The following PTCSC3 variants were observed in gnomAD, a reference collection of about 807,000 sequenced individuals.
PTCSC3 encodes the protein papillary thyroid carcinoma susceptibility candidate 3.
At chr14:36,161,105 A>C (rs1881946801) in intron 2 of PTCSC3, among the ~76,000 whole-genome samples, 1 of 152,016 alleles carries the variant, frequency 6.6e-6, no homozygotes, top group Non-Finnish European at 1.5e-5. Context: ...TGGTTATTCT[A>C]GTTAGCAATT....
At chr14:36,147,595 C>A (rs965592014) in intron 3 of PTCSC3, among the ~76,000 whole-genome samples, 1 of 151,706 alleles carries the variant, frequency 6.6e-6, no homozygotes, top group Non-Finnish European at 1.5e-5. Context: ...AACTTCTTTG[C>A]CTTTGGTTTG....
intron 3 of PTCSC3, among the ~76,000 whole-genome samples, chr14:36,142,032 C>T (rs779711004): frequency 3.3e-5 from 5 of 152,106 alleles, no homozygotes; most frequent in African/African-American, 7.2e-5. Context: ...TCTGGTCTTA[C>T]TGCATTGGCT....
chr14:36,156,520 G>A (rs113919871), intron 2 of PTCSC3, among the ~76,000 whole-genome samples: 153 of 152,126 alleles, frequency 1.0e-3, no homozygotes, highest in African/African-American at 3.5e-3. Context: ...CCATCCGCCC[G>A]TCATCTACAT....
At chr14:36,145,128 T>G (rs1468845782) in intron 3 of PTCSC3, among the ~76,000 whole-genome samples, 57 of 136,986 alleles carry the variant, frequency 4.2e-4, no homozygotes, top group East Asian at 4.0e-3. Flanking sequence ...TCTCTTTTTT[T>G]GTTGTGTCTC....
intron 1 of PTCSC3, among the ~76,000 whole-genome samples, chr14:36,171,906 A>T (rs915901477): frequency 1.3e-5 from 2 of 151,782 alleles, no homozygotes; most frequent in South Asian, 4.1e-4. Flanking sequence ...TTCTGCAAAC[A>T]TGGGTTATTT....
intron 1 of PTCSC3, among the ~76,000 whole-genome samples, chr14:36,173,057 A>T (rs1044932033): frequency 6.6e-6 from 1 of 152,258 alleles, no homozygotes; most frequent in Admixed American, 6.5e-5. Flanking sequence ...AACAAAGGCA[A>T]CAAAAGAAAT....
chr14:36,142,426 T>C (rs1769304590), intron 3 of PTCSC3, among the ~76,000 whole-genome samples: 1 of 152,302 alleles, frequency 6.6e-6, no homozygotes, highest in Non-Finnish European at 1.5e-5. Flanking sequence ...ATGAGATACA[T>C]TGGTACATGA....
chr14:36,150,297 C>T (rs969543567), intron 3 of PTCSC3, among the ~76,000 whole-genome samples: 23 of 152,038 alleles, frequency 1.5e-4, no homozygotes, highest in Admixed American at 1.4e-3. Flanking sequence ...GGTATTATTG[C>T]CTTTATAAAG....
chr14:36,136,569 T>G (rs1881292987), intron 3 of PTCSC3, among the ~76,000 whole-genome samples: 1 of 152,068 alleles, frequency 6.6e-6, no homozygotes, highest in Non-Finnish European at 1.5e-5. Flanking sequence ...GGAAGAAGAA[T>G]AAGAGTAAGA....
intron 1 of PTCSC3, among the ~76,000 whole-genome samples, chr14:36,168,474 G>C (rs1882137547): frequency 6.7e-6 from 1 of 150,160 alleles, no homozygotes; most frequent in Admixed American, 6.7e-5. Context: ...CTTCCAGCTA[G>C]TTAAGGTTGG....
intron 3 of PTCSC3, among the ~76,000 whole-genome samples, chr14:36,147,706 G>A (rs1786086869): frequency 6.6e-6 from 1 of 152,056 alleles, no homozygotes; most frequent in African/African-American, 2.4e-5. Flanking sequence ...TGCTGGTGAG[G>A]AACTGCGTTC....
exon 1 of PTCSC3, chr14:36,176,464 C>T (rs1259833197): frequency 1.3e-5 from 2 of 151,840 alleles, no homozygotes; most frequent in South Asian, 4.2e-4. Flanking sequence ...CTTTTTTCCT[C>T]TTTCTCTATT....
chr14:36,162,275 A>AAAAC (rs1555331789), intron 2 of PTCSC3, among the ~76,000 whole-genome samples: 1 of 150,728 alleles, frequency 6.6e-6, no homozygotes, highest in African/African-American at 2.5e-5. Flanking sequence ...AAAAAAAAAA[A>AAAAC]AAAAAAAAAA....
intron 3 of PTCSC3, among the ~76,000 whole-genome samples, chr14:36,146,792 G>A (rs1356366045): frequency 4.6e-5 from 7 of 151,966 alleles, no homozygotes; most frequent in South Asian, 2.1e-4. Flanking sequence ...ATTTTGCAGC[G>A]GCTGGTACTG....
At chr14:36,160,631 C>T (rs1881934338) in intron 2 of PTCSC3, among the ~76,000 whole-genome samples, 1 of 132,322 alleles carries the variant, frequency 7.6e-6, no homozygotes, top group Non-Finnish European at 1.7e-5. Context: ...GGTAACCTGA[C>T]CTTTCTCTCT....
chr14:36,162,403 T>C (rs1048559370), intron 2 of PTCSC3, among the ~76,000 whole-genome samples: 2 of 151,906 alleles, frequency 1.3e-5, no homozygotes, highest in African/African-American at 4.8e-5. Context: ...GGAAAGACTA[T>C]GGAAAAGCAT....
At chr14:36,147,631 T>C (rs1378452316) in intron 3 of PTCSC3, among the ~76,000 whole-genome samples, 2 of 151,930 alleles carry the variant, frequency 1.3e-5, no homozygotes, top group African/African-American at 4.8e-5. Flanking sequence ...CTCAGAGTAA[T>C]TTGATCGTCT....
downstream of PTCSC3, among the ~76,000 whole-genome samples, chr14:36,135,720 A>G (rs1224152951): frequency 6.6e-6 from 1 of 152,210 alleles, no homozygotes; most frequent in African/African-American, 2.4e-5. Context: ...GCTGTATTTT[A>G]AATCTCTTTT....
chr14:36,174,012 A>AT (rs1882237083), intron 1 of PTCSC3, among the ~76,000 whole-genome samples: 2 of 150,798 alleles, frequency 1.3e-5, no homozygotes, highest in Admixed American at 1.3e-4. Flanking sequence ...TGCTTTTAAG[A>AT]TTTTTTTTCT....
Sources: gnomAD v4.1 joint callset for allele counts (sites outside exome capture counted in the v4.1 genomes callset) on GRCh38, gnomAD v4.1.1 for gene constraint, MANE v1.5 for transcripts, NCBI Gene and HGNC (gene_info 2026-07-23, HGNC 2026-07-21) for gene names.